Variants in USF3 observed in about 807,000 individuals in gnomAD.
USF3 encodes basic helix-loop-helix domain-containing protein USF3.
In USF3, 29 loss-of-function variants were observed where a neutral mutation model predicts 157.5. The ratio of observed to expected loss-of-function variants is 0.18; its 90% CI spans 0.14 to 0.25. The LOEUF (loss-of-function observed/expected upper bound fraction) is 0.25, where lower values mean the gene tolerates loss of function less well. Ranked by LOEUF, USF3 falls within the 10% of genes least tolerant of loss-of-function variation. The pLI is 1.00. For synonymous variants in USF3, 893 were observed against 941.4 expected (o/e 0.95, Z 0.94); for missense variants, 2,381 against 2,667.6 (o/e 0.89, Z 2.37).
Position 113,660,761 on chromosome 3 carries a change from G to A in USF3, c.921C>T (p.Ser307=). 1 of 1,614,164 alleles carries A rather than the reference G, an allele frequency of 6.2e-7. No individual in the cohort carries two copies. Residue 307 remains serine (S), a synonymous_variant, in exon 7 of 7, where the codon TCC becomes TCT. Coordinates refer to ENST00000316407, the MANE Select transcript of USF3 (RefSeq NM_001009899.4). ...TPCVTNIPHS[S]SATATKVHHG... ...GGTGCACTTTAGTGGCAGTTGCTGAGGAGCTGTGGGGGATGTTTGTAACAC... is the reference window on the plus strand; with the variant it reads ...GGTGCACTTTAGTGGCAGTTGCTGAAGAGCTGTGGGGGATGTTTGTAACAC...
rs1463033877 is a variant in USF3, at chr3:113,654,204, T to C, written c.*740A>G. ...AAATGCAAGCACAAAACGGAGAATA[T>C]GTATGTACTTAACTTTTTAGCTTTC... On this transcript the variant is annotated 3_prime_UTR_variant, in exon 7 of 7. Transcript: ENST00000316407. The C allele has an allele frequency of 6.6e-6, 1 of 152,660 alleles. No homozygotes were observed. Among genetic ancestry groups the C allele is most frequent in the Non-Finnish European group, 1.5e-5 (1 of 68,046 alleles). 9.5% of individuals were successfully genotyped at this position (152,660 alleles called of 1,614,324 possible).
At chr3:113,687,247 ACACACACACACACACACACC>A (rs1559725129) in intron 1 of USF3, among the ~76,000 whole-genome samples, 3 of 151,114 alleles carry the variant, frequency 2.0e-5, no homozygotes, top group Admixed American at 6.6e-5. Context: ...ACACACACAC[ACACACACACACACACACACC>A]CCCTTTCTAG....
rs1471293301 is a variant in USF3 at position 113,656,795 on chromosome 3, C to T, written c.4887G>A (p.Arg1629=). Residue 1629 remains arginine (R), a synonymous_variant, in exon 7 of 7, where the codon AGG becomes AGA. Coordinates refer to ENST00000316407, the MANE Select transcript of USF3 (RefSeq NM_001009899.4). ...EHVSGHNPMQ[R]LLTSRGLEQQ... The stretch of plus-strand genomic sequence containing the variant: ...GCTCTAAGCCTCTTGATGTCAAAAG[C>T]CTCTGCATTGGATTATGGCCAGATA... 2 of 1,614,180 alleles carry T rather than the reference C, an allele frequency of 1.2e-6. No homozygotes were observed. Among genetic ancestry groups the T allele is most frequent in the East Asian group, 2.2e-5 (1 of 44,884 alleles).
At position 113,655,581 on chromosome 3, in the gene USF3, C is replaced by T. The variant is rs542739936; in HGVS notation, c.6101G>A (p.Arg2034Lys). 1.1e-5 allele frequency: 18 copies of T among 1,614,204 alleles called. No homozygotes were observed. Among genetic ancestry groups the T allele is most frequent in the Admixed American group, 1.0e-4 (6 of 60,022 alleles). ...AGGCATGAAACGAACAATACTTCCT[C>T]TCTTCTCTGTGGCAGGTTGTTGACG... ...LGRQQPATEK[R>K]GSIVRFMPDS... The change falls in exon 7 of 7, where the codon AGA becomes AAA. Residue 2034 changes from arginine to lysine, a missense_variant. Arg to Lys is a conservative substitution (Grantham distance 26). Coordinates refer to ENST00000316407, the MANE Select transcript of USF3 (RefSeq NM_001009899.4).
chr3:113,692,020 G>A (rs1169687877), intron 1 of USF3, among the ~76,000 whole-genome samples: 1 of 152,196 alleles, frequency 6.6e-6, no homozygotes, highest in African/African-American at 2.4e-5. Context: ...GGATGAAACT[G>A]TTCCATCTAT....
chr3:113,680,053 C>CTTTTTTTTTTTTTTTTTTT (rs71131103), intron 1 of USF3, among the ~76,000 whole-genome samples: 3 of 58,636 alleles, frequency 5.1e-5, no homozygotes, highest in Admixed American at 2.4e-4. Context: ...CTGTAGTTTT[C>CTTTTTTTTTTTTTTTTTTT]TTTTTTTTTT....
rs1400450733 is a variant in USF3 at position 113,660,973 on chromosome 3, G to T, written c.709C>A (p.Leu237Ile). The T allele has an allele frequency of 1.2e-6, 2 of 1,614,042 alleles. No individual in the cohort carries two copies. Among genetic ancestry groups the T allele is most frequent in the Admixed American group, 3.3e-5 (2 of 59,994 alleles). ...TCGCTTTCAGAGGTGGGAAGCTCGA[G>T]AATACTCTGAGCAGAAATGGCAGCA... The part of the protein sequence containing the change: ...LPAAISAQSI[L>I]ELPTSESESN... Residue 237 changes from leucine (L) to isoleucine (I), a missense_variant, in exon 7 of 7, where the codon CTC (leucine) becomes ATC (isoleucine). Leu to Ile is a conservative substitution (Grantham distance 5). Coordinates refer to ENST00000316407, the MANE Select transcript of USF3 (RefSeq NM_001009899.4).
At chr3:113,695,866 G>T (rs894174887) in intron 1 of USF3, among the ~76,000 whole-genome samples, 1 of 152,186 alleles carries the variant, frequency 6.6e-6, no homozygotes, top group Non-Finnish European at 1.5e-5. Flanking sequence ...CTTCTAAAAA[G>T]AAAACACAAG....
rs1000451040 is a variant in USF3, at chr3:113,660,522, C to T, written c.1160G>A (p.Ser387Asn). Residue 387 changes from serine to asparagine, a missense_variant, in exon 7 of 7, where the codon AGC becomes AAC. This residue lies in a region of USF3 where 1,435 missense variants were observed against 1,550.9 expected (regional missense o/e 0.93). Transcript: ENST00000316407. ...PGVGKATIPI[S>N]TLSGNPLDNG... ...GTCCAAAGGGTTTCCCGAAAGAGTG[C>T]TTATAGGAATGGTGGCCTTCCCTAC... 1.9e-6 allele frequency: 3 copies of T among 1,614,010 alleles called. No homozygotes were observed. Among genetic ancestry groups the T allele is most frequent in the Admixed American group, 1.7e-5 (1 of 60,000 alleles).
At chr3:113,687,229 T>TCACACA (rs67480409) in intron 1 of USF3, among the ~76,000 whole-genome samples, 82 of 102,532 alleles carry the variant, frequency 8.0e-4, no homozygotes, top group South Asian at 7.7e-4. Flanking sequence ...ACACACACAG[T>TCACACA]CACACACACA....
rs2107907004 is a variant in USF3, at chr3:113,649,919, C to G, written c.*5025G>C. The G allele has an allele frequency of 2.9e-6, 2 of 693,552 alleles. No homozygotes were observed. The highest frequency in any genetic ancestry group is 5.4e-5 in the East Asian group (2 of 37,136). The allele number at this position is 693,552 out of a possible 1,614,324, so 43.0% of individuals were successfully genotyped here. A position where few individuals can be genotyped will look rare whatever the true frequency, so the allele number is the denominator to read the frequency against. ...AAAAAAGGCCCTTTTCTTTCAAACC[C>G]TGGGGAAAGAAAAATGGTAATGTTC... On this transcript the variant is annotated 3_prime_UTR_variant, in exon 7 of 7. Transcript: ENST00000316407.
chr3:113,655,003 T>G lies in USF3; in HGVS notation c.6679A>C (p.Asn2227His). The part of the protein sequence containing the change: ...SASDSSKQSS[N>H]RPAHNISHIL... ...TGGCTTATGTTATGGGCAGGTCTGT[T>G]TGAGGACTGCTTGGAAGAGTCAGAG... The change falls in exon 7 of 7, where the codon AAC becomes CAC. Residue 2227 changes from asparagine to histidine, a missense_variant. Physicochemically the swap from Asn to His is moderately conservative, Grantham distance 68. Coordinates refer to ENST00000316407, the MANE Select transcript of USF3 (RefSeq NM_001009899.4). 1 of 1,614,148 alleles carries G rather than the reference T, an allele frequency of 6.2e-7. No individual in the cohort carries two copies. The highest frequency in any genetic ancestry group is 8.5e-7 in the Non-Finnish European group (1 of 1,179,964).
chr3:113,658,288 T>G lies in USF3; in HGVS notation c.3394A>C (p.Ile1132Leu). Residue 1132 changes from isoleucine (I) to leucine (L), a missense_variant, in exon 7 of 7, where the codon ATA becomes CTA. Coordinates refer to ENST00000316407, the MANE Select transcript of USF3 (RefSeq NM_001009899.4). ...DSCTFVEQTD[I>L]VALAARAIFD... is the part of the protein sequence containing the mutation. ...ATAGCTCTTGCTGCAAGAGCTACTA[T>G]ATCAGTTTGCTCTACAAAGGTACAG... The G allele has an allele frequency of 6.2e-7, 1 of 1,614,188 alleles. No individual in the cohort carries two copies. The highest frequency in any genetic ancestry group is 2.2e-5 in the East Asian group (1 of 44,882).
Position 113,655,873 on chromosome 3 carries a change from G to A in USF3, c.5809C>T (p.Pro1937Ser), listed in dbSNP as rs1947347861. The A allele has an allele frequency of 1.2e-6, 2 of 1,614,012 alleles. No individual in the cohort carries two copies. The highest frequency in any genetic ancestry group is 1.3e-5 in the African/African-American group (1 of 74,892). Residue 1937 changes from proline to serine, a missense_variant, in exon 7 of 7, where the codon CCT becomes TCT. This residue lies in a region of USF3 where 770 missense variants were observed against 824.2 expected (regional missense o/e 0.93). Transcript: ENST00000316407. ...CCATGCATGTTGGTTGTGACTGGAG[G>A]GTTCATGTGGCCCTTGGTGGCATGA... ...ESHATKGHMN[P>S]PVTTNMHGVA...
intron 5 of USF3, among the ~76,000 whole-genome samples, chr3:113,666,392 C>T (rs929982373): frequency 1.8e-4 from 27 of 148,646 alleles, no homozygotes; most frequent in Non-Finnish European, 4.0e-4. Context: ...GCTGAGACTA[C>T]AAGCACATGC....
At chr3:113,666,544 T>C (rs1243467223) in intron 5 of USF3, among the ~76,000 whole-genome samples, 1 of 148,562 alleles carries the variant, frequency 6.7e-6, no homozygotes, top group Non-Finnish European at 1.5e-5. Context: ...TGAGCCACCA[T>C]GCCTGGCCCC....
In USF3 at chr3:113,655,626, C is replaced by T. The variant is rs747815590; in HGVS notation, c.6056G>A (p.Gly2019Asp). ...PSLPHLPLSTGGSMILGRQQP... is the reference protein window; with the variant it reads ...PSLPHLPLSTDGSMILGRQQP... ...TTGACGTCCAAGAATCATACTGCCA[C>T]CAGTAGAGAGAGGAAGATGGGGAAG... is the stretch of plus-strand genomic sequence containing the variant. Residue 2019 changes from glycine to aspartate, a missense_variant, in exon 7 of 7, where the codon GGT (glycine) becomes GAT (aspartate). By Grantham distance (94) the Gly-to-Asp change is moderately conservative. Transcript: ENST00000316407. 1 of 1,613,990 alleles carries T rather than the reference C, an allele frequency of 6.2e-7. No individual in the cohort carries two copies. The highest frequency in any genetic ancestry group is 8.5e-7 in the Non-Finnish European group (1 of 1,179,892).
At position 113,671,711 on chromosome 3, in the gene USF3, T is replaced by C. The variant is rs549398549; in HGVS notation, c.77-1508A>G. ...TATATATATTTTTTGCTTTATGATCTAGCAGTAAGAGCATCCTTTTTTCTT... is the reference window on the plus strand; with the variant it reads ...TATATATATTTTTTGCTTTATGATCCAGCAGTAAGAGCATCCTTTTTTCTT... On this transcript the variant is annotated intron_variant, in intron 4 of 6. Coordinates refer to ENST00000316407, the MANE Select transcript of USF3 (RefSeq NM_001009899.4). Among the ~76,000 whole-genome samples, 246 of 152,032 alleles carry C rather than the reference T, an allele frequency of 1.6e-3. 2 individuals carry two copies. Among genetic ancestry groups the C allele is most frequent in the African/African-American group, 5.7e-3 (235 of 41,522 alleles).
At chr3:113,666,949 AAGATACCTTAAC>A (rs1947579898) in intron 5 of USF3, among the ~76,000 whole-genome samples, 2 of 152,126 alleles carry the variant, frequency 1.3e-5, no homozygotes, top group South Asian at 4.1e-4. Context: ...ATAAACATTT[AAGATACCTTAAC>A]AGTCATTTCT....
Sources: allele counts gnomAD v4.1 joint callset (sites outside exome capture counted in the v4.1 genomes callset), GRCh38; gene constraint gnomAD v4.1.1; regional missense constraint gnomAD v4.1.1; transcripts MANE v1.5; gene names NCBI Gene and HGNC (gene_info 2026-07-23, HGNC 2026-07-21).